Variants in SLC25A44 observed in about 807,000 individuals in gnomAD.
SLC25A44 encodes solute carrier family 25 member 44.
In SLC25A44, 17 loss-of-function variants were observed where a neutral mutation model predicts 29.9. The observed-to-expected ratio is 0.57, with a 90% CI of 0.39 to 0.85. The LOEUF is 0.85. SLC25A44 is among the 40% of genes least tolerant of loss of function. The probability of loss-of-function intolerance (pLI) is 0.00; values close to 1 mark genes in which losing one functional copy is unlikely to be tolerated. For synonymous variants in SLC25A44, 140 were observed against 151.8 expected (o/e 0.92, Z 0.57); for missense variants, 302 against 398.4 (o/e 0.76, Z 2.06).
chr1:156,206,245 T>G (rs1425144780), intron 2 of SLC25A44, among the ~76,000 whole-genome samples: 2 of 150,480 alleles, frequency 1.3e-5, no homozygotes, highest in Non-Finnish European at 3.0e-5. Flanking sequence ...TTAATTTTTT[T>G]TTTTTTTTTT....
Sources: allele counts gnomAD v4.1 joint callset (sites outside exome capture counted in the v4.1 genomes callset), GRCh38; gene constraint gnomAD v4.1.1; transcripts MANE v1.5; gene names NCBI Gene and HGNC (gene_info 2026-07-23, HGNC 2026-07-21).